Variants in AKT3 observed in about 807,000 individuals in gnomAD.
AKT3 encodes RAC-gamma serine/threonine-protein kinase.
AKT3 carries 15 observed loss-of-function variants against 65.3 expected under a neutral mutation model. The ratio of observed to expected loss-of-function variants is 0.23; its 90% CI spans 0.15 to 0.35. AKT3 has a LOEUF of 0.35. Ranked by LOEUF, AKT3 falls within the 10% of genes least tolerant of loss-of-function variation. The pLI is 1.00. For missense variants in AKT3, 243 were observed against 576.5 expected (o/e 0.42, Z 5.92); for synonymous variants, 206 against 183.8 (o/e 1.12, Z -0.98).
At chr1:243,674,852 A>G (rs1445878857) in intron 3 of AKT3, among the ~76,000 whole-genome samples, 1 of 152,180 alleles carries the variant, frequency 6.6e-6, no homozygotes, top group Admixed American at 6.5e-5. Flanking sequence ...CAATTCATGA[A>G]GTAGATGTGC....
At chr1:243,685,152 T>C (rs1387431050) in intron 3 of AKT3, among the ~76,000 whole-genome samples, 1 of 152,228 alleles carries the variant, frequency 6.6e-6, no homozygotes, top group Admixed American at 6.5e-5. Flanking sequence ...ATCTCTTTAG[T>C]TTAATTAAAT....
Position 243,581,900 on chromosome 1 carries a change from C to A in AKT3, c.697-8852G>T, listed in dbSNP as rs1330735540. Among the ~76,000 whole-genome samples the A allele has an allele frequency of 2.0e-5, 3 of 151,830 alleles. 1 individual carries two copies. The South Asian group carries it at 6.2e-4, about 32-fold the overall frequency. On this transcript the variant is annotated intron_variant, in intron 8 of 13. Transcript: ENST00000673466. The stretch of plus-strand genomic sequence containing the variant: ...ATAAGCATCTTTAAGAGAAATCAAT[C>A]AGACTTTCTGGAATTGAAAAAATTC...
chr1:243,505,291 C>A lies in AKT3; in HGVS notation c.1398G>T (p.Pro466=). The A allele has an allele frequency of 6.2e-7, 1 of 1,614,080 alleles. No individual in the cohort carries two copies. Among genetic ancestry groups the A allele is most frequent in the Non-Finnish European group, 8.5e-7 (1 of 1,179,982 alleles). ...GMDCMDNERR[P]HFPQFSYSAS... is the part of the protein sequence containing the mutation. ...CAGAGTAGGAAAATTGAGGGAAATGCGGCCGCCTCTCATTGTCCATGCAGT... is the reference window on the plus strand; with the variant it reads ...CAGAGTAGGAAAATTGAGGGAAATGAGGCCGCCTCTCATTGTCCATGCAGT... Residue 466 remains proline (P), a synonymous_variant, in exon 14 of 14, where the codon CCG becomes CCT. Transcript: ENST00000673466.
chr1:243,674,645 TA>T (rs1428728654), intron 3 of AKT3, among the ~76,000 whole-genome samples: 1 of 152,190 alleles, frequency 6.6e-6, no homozygotes, highest in Non-Finnish European at 1.5e-5. Flanking sequence ...GAAGGTAGTC[TA>T]ATACTCTGCT....
At chr1:243,545,629 TA>T in intron 11 of AKT3, 32 bp from the exon 12 acceptor site, 5 of 1,453,422 alleles carry the variant, frequency 3.4e-6, no homozygotes, top group Non-Finnish European at 4.8e-6. Context: ...TAAGTAAGTA[TA>T]AAACATTTAC....
intron 1 of AKT3, among the ~76,000 whole-genome samples, chr1:243,849,248 G>A (rs1695646534): frequency 6.6e-6 from 1 of 152,120 alleles, no homozygotes. Flanking sequence ...GCCGCCGCCA[G>A]CAGCGACAGC....
At chr1:243,770,146 T>G (rs1188644424) in intron 2 of AKT3, among the ~76,000 whole-genome samples, 1 of 152,170 alleles carries the variant, frequency 6.6e-6, no homozygotes, top group Non-Finnish European at 1.5e-5. Context: ...GGATTCTCAA[T>G]TATATTCCAT....
downstream of AKT3, chr1:243,499,688 C>A: frequency 2.4e-6 from 3 of 1,270,304 alleles, no homozygotes; most frequent in Non-Finnish European, 3.5e-6. Context: ...ACTAAACCAG[C>A]AAATGAGAAG....
chr1:243,800,721 A>C (rs192835440), intron 2 of AKT3, among the ~76,000 whole-genome samples: 9 of 145,550 alleles, frequency 6.2e-5, no homozygotes, highest in Admixed American at 1.4e-4. Context: ...AGTCTCGAGG[A>C]AAAAAAAAAA....
rs1026321565 is a variant in AKT3 at position 243,768,646 on chromosome 1, C to T, written c.47-72930G>A. On this transcript the variant is annotated intron_variant, in intron 2 of 13. Coordinates refer to ENST00000673466, the MANE Select transcript of AKT3 (RefSeq NM_005465.7). ...GGTCAGGAGTTCGATACTAACCTGACCAACATGGTGAAACTCCATCTCTAC... is the reference window on the plus strand; with the variant it reads ...GGTCAGGAGTTCGATACTAACCTGATCAACATGGTGAAACTCCATCTCTAC... Among the ~76,000 whole-genome samples, 7 of 152,120 alleles carry T rather than the reference C, an allele frequency of 4.6e-5. 1 individual carries two copies. The highest frequency in any genetic ancestry group is 6.8e-3 in the Middle Eastern group (2 of 294).
intron 8 of AKT3, among the ~76,000 whole-genome samples, chr1:243,600,055 T>C (rs1676903084): frequency 6.6e-6 from 1 of 152,116 alleles, no homozygotes; most frequent in Non-Finnish European, 1.5e-5. Context: ...AAACCATTTA[T>C]AACTTAAAAA....
In AKT3 at chr1:243,500,794, CAG is replaced by C. The variant is rs1433711432; in HGVS notation, c.*4453_*4454del. The C allele has an allele frequency of 4.4e-6, 1 of 229,052 alleles. No individual in the cohort carries two copies. The highest frequency in any genetic ancestry group is 8.7e-6 in the Non-Finnish European group (1 of 115,564). The allele number at this position is 229,052 out of a possible 1,614,324, so 14.2% of individuals were successfully genotyped here. A position where few individuals can be genotyped will look rare whatever the true frequency, so the allele number is the denominator to read the frequency against. ...TGGAGGCGGTGGCATGATCTACACA[CAG>C]AGACCATTTGAATCTCTTGAGCATG... is the stretch of plus-strand genomic sequence containing the variant. On this transcript the variant is annotated 3_prime_UTR_variant, in exon 14 of 14. Coordinates refer to ENST00000673466, the MANE Select transcript of AKT3 (RefSeq NM_005465.7).
chr1:243,749,429 C>T lies in AKT3; in HGVS notation c.47-53713G>A, dbSNP rs1429893883. Among the ~76,000 whole-genome samples the T allele has an allele frequency of 4.6e-5, 7 of 152,070 alleles. No homozygotes were observed. In the East Asian group the frequency reaches 1.3e-3, roughly 29 times the overall value. ...CCATCTTTCTCATTTTATAATATCCCTACTTCCTAGAAAGCAGGGAAACCA... is the reference window on the plus strand; with the variant it reads ...CCATCTTTCTCATTTTATAATATCCTTACTTCCTAGAAAGCAGGGAAACCA... On this transcript the variant is annotated intron_variant, in intron 2 of 13. Transcript: ENST00000673466.
At chr1:243,639,720 C>T (rs7522883) in intron 5 of AKT3, among the ~76,000 whole-genome samples, 19,490 of 152,192 alleles carry the variant, frequency 0.13, 1,436 homozygotes, top group East Asian at 0.23. Flanking sequence ...TAATCCACCC[C>T]TTGTTTAGCA....
intron 8 of AKT3, among the ~76,000 whole-genome samples, chr1:243,597,354 C>T (rs983743097): frequency 6.6e-6 from 1 of 152,086 alleles, no homozygotes; most frequent in African/African-American, 2.4e-5. Context: ...AATATGTGTA[C>T]AGTATAAACA....
chr1:243,835,716 G>T (rs934106635), intron 2 of AKT3, among the ~76,000 whole-genome samples: 3 of 152,020 alleles, frequency 2.0e-5, no homozygotes, highest in Non-Finnish European at 2.9e-5. Context: ...ACCTATGATT[G>T]CCCTATAGGA....
chr1:243,679,506 A>T (rs1389509849), intron 3 of AKT3, among the ~76,000 whole-genome samples: 3 of 152,222 alleles, frequency 2.0e-5, no homozygotes, highest in Non-Finnish European at 4.4e-5. Flanking sequence ...CTCTGATCAC[A>T]TAAGACAAAG....
chr1:243,829,664 A>G (rs572267802), intron 2 of AKT3, among the ~76,000 whole-genome samples: 1 of 152,326 alleles, frequency 6.6e-6, no homozygotes, highest in South Asian at 2.1e-4. Flanking sequence ...ATGTAAAATA[A>G]AACAGCAATA....
At chr1:243,721,856 G>C (rs1326136488) in intron 2 of AKT3, among the ~76,000 whole-genome samples, 2 of 152,080 alleles carry the variant, frequency 1.3e-5, no homozygotes, top group African/African-American at 4.8e-5. Context: ...AGGCACATCA[G>C]AGGTGAGATT....
Sources: allele counts gnomAD v4.1 joint callset (sites outside exome capture counted in the v4.1 genomes callset), GRCh38; gene constraint gnomAD v4.1.1; transcripts MANE v1.5; gene names NCBI Gene and HGNC (gene_info 2026-07-23, HGNC 2026-07-21).